COL4A4: variants seen among roughly 807,000 people sequenced by gnomAD.
The protein encoded by COL4A4 is collagen type IV alpha 4 chain.
Under a neutral mutation model 192.9 loss-of-function variants are expected in COL4A4, and 105 were observed. The observed-to-expected ratio is 0.54, with a 90% CI of 0.46 to 0.64. The LOEUF (loss-of-function observed/expected upper bound fraction) is 0.64, where lower values mean the gene tolerates loss of function less well. Ranked by LOEUF, COL4A4 falls within the 30% of genes least tolerant of loss-of-function variation. The probability of loss-of-function intolerance (pLI) is 0.00; values close to 1 mark genes in which losing one functional copy is unlikely to be tolerated. For synonymous variants in COL4A4, 762 were observed against 769.9 expected, an observed-to-expected ratio of 0.99 and a Z score of 0.17; for missense variants, 1,967 against 2,169.3, an observed-to-expected ratio of 0.91 and a Z score of 1.85.
intron 2 of COL4A4, among the ~76,000 whole-genome samples, chr2:227,145,567 C>T (rs948293163): frequency 6.6e-6 from 1 of 152,198 alleles, no homozygotes; most frequent in African/African-American, 2.4e-5. Context: ...GTTAGAACTT[C>T]GGGTCACACC....
chr2:227,041,758 GGAA>G (rs1559475422), intron 37 of COL4A4, among the ~76,000 whole-genome samples: 32 of 116,058 alleles, frequency 2.8e-4, no homozygotes, highest in African/African-American at 6.9e-4. Flanking sequence ...AAGGAAGGAA[GGAA>G]GGAAGGAAGG....
intron 4 of COL4A4, among the ~76,000 whole-genome samples, chr2:227,129,975 C>A (rs904617905): frequency 1.3e-5 from 2 of 152,074 alleles, no homozygotes; most frequent in African/African-American, 4.8e-5. Context: ...TGTAATTCAA[C>A]CAGTCAGCCA....
rs1000176849 is a variant in COL4A4 at position 227,055,925 on chromosome 2, A to G, written c.2716+20T>C. On this transcript the variant is annotated intron_variant, in intron 30 of 47. Transcript: ENST00000396625. ...CATGTTTCTAAGATGGGAGGACATC[A>G]TGGAAAAAGCACTACCTACCCTTTG... The G allele has an allele frequency of 3.7e-6, 6 of 1,607,804 alleles. No individual in the cohort carries two copies. Among genetic ancestry groups the G allele is most frequent in the Non-Finnish European group, 5.1e-6 (6 of 1,176,474 alleles).
Position 227,071,865 on chromosome 2 carries a change from CAA to C in COL4A4, c.1987+6027_1987+6028del, listed in dbSNP as rs1340646116. On this transcript the variant is annotated intron_variant, in intron 25 of 47. Coordinates refer to ENST00000396625, the MANE Select transcript of COL4A4 (RefSeq NM_000092.5). ...TTTGAATTGAATGATAATATTGACA[CAA>C]GTTTTCAAAACATCTGGAATACAGC... is the stretch of plus-strand genomic sequence containing the variant. 2.6e-5 allele frequency among the ~76,000 whole-genome samples: 4 copies of C among 151,978 alleles called. No homozygotes were observed. In the South Asian group the frequency reaches 6.2e-4, roughly 24 times the overall value.
intron 4 of COL4A4, among the ~76,000 whole-genome samples, chr2:227,126,396 T>C (rs2062091199): frequency 6.6e-6 from 1 of 152,214 alleles, no homozygotes; most frequent in African/African-American, 2.4e-5. Flanking sequence ...ATGGCAATGA[T>C]TCCACAGCAA....
chr2:227,080,615 CA>C, intron 23 of COL4A4, 66 bp from the exon 24 acceptor site: 1 of 1,389,602 alleles, frequency 7.2e-7, no homozygotes, highest in Non-Finnish European at 1.0e-6. Flanking sequence ...ATAGAGAGGA[CA>C]AAAAATAAAG....
At chr2:226,987,493 C>A in the COL4A4 span, among the ~76,000 whole-genome samples, 2 of 152,242 alleles carry the variant, frequency 1.3e-5, no homozygotes, top group African/African-American at 4.8e-5. Context: ...TCCAGAGAAG[C>A]TGCTCAGGCA....
At position 227,077,785 on chromosome 2, in the gene COL4A4, C is replaced by A. The variant is rs61286676; in HGVS notation, c.1987+109G>T. The A allele has an allele frequency of 7.1e-4, 718 of 1,015,296 alleles. 1 individual carries two copies. The African/African-American group carries it at 9.0e-3, about 13-fold the overall frequency. 62.9% of individuals were successfully genotyped at this position (1,015,296 alleles called of 1,614,324 possible). On this transcript the variant is annotated intron_variant, in intron 25 of 47. Transcript: ENST00000396625. Reference sequence around the variant, plus strand: ...GGTAAAATGTACACTACTCGGGTGACAGGTACACTAAAATCTCAGAATTCA... The same window carrying A: ...GGTAAAATGTACACTACTCGGGTGAAAGGTACACTAAAATCTCAGAATTCA...
chr2:227,079,572 C>T (rs998340176), intron 24 of COL4A4, among the ~76,000 whole-genome samples: 6 of 152,206 alleles, frequency 3.9e-5, no homozygotes, highest in African/African-American at 7.2e-5. Context: ...AGGACATGGT[C>T]TTTCCCTGTT....
Position 227,010,301 on chromosome 2 carries a change from C to T in COL4A4, c.4522+12G>A, listed in dbSNP as rs1264916913. On this transcript the variant is annotated intron_variant, in intron 46 of 47. Transcript: ENST00000396625. ...CTTCAGGCAATGGAGATGGGCGATC[C>T]TGTATCCATACCAAGGTCTTGATTG... 1 of 1,614,174 alleles carries T rather than the reference C, an allele frequency of 6.2e-7. No individual in the cohort carries two copies. The highest frequency in any genetic ancestry group is 1.1e-5 in the South Asian group (1 of 91,074).
chr2:227,073,930 C>G (rs1441217080), intron 25 of COL4A4, among the ~76,000 whole-genome samples: 1 of 151,996 alleles, frequency 6.6e-6, no homozygotes, highest in Non-Finnish European at 1.5e-5. Flanking sequence ...AATATAAGAC[C>G]TGAAACTATC....
intron 28 of COL4A4, among the ~76,000 whole-genome samples, chr2:227,058,587 A>G (rs868489939): frequency 5.9e-5 from 9 of 152,162 alleles, no homozygotes; most frequent in African/African-American, 1.9e-4. Context: ...TGGATGCCTA[A>G]TAAACACTGG....
intron 42 of COL4A4, 23 bp downstream of exon 42, chr2:227,027,879 C>T: frequency 6.8e-7 from 1 of 1,478,508 alleles, no homozygotes; most frequent in Non-Finnish European, 9.5e-7. Flanking sequence ...AAACAAAATG[C>T]TGTATGTAGG....
chr2:227,030,563 C>A lies in COL4A4; in HGVS notation c.3853G>T (p.Asp1285Tyr), dbSNP rs539288541. 1 of 1,613,794 alleles carries A rather than the reference C, an allele frequency of 6.2e-7. No homozygotes were observed. The highest frequency in any genetic ancestry group is 1.1e-5 in the South Asian group (1 of 91,032). The change falls in exon 41 of 48, where the codon GAC becomes TAC. Residue 1285 changes from aspartate to tyrosine, a missense_variant. Physicochemically the swap from Asp to Tyr is radical, Grantham distance 160. Transcript: ENST00000396625. ...PGPPGLPGSVDLLRGEPGDCG... is the reference protein window; with the variant it reads ...PGPPGLPGSVYLLRGEPGDCG... The stretch of plus-strand genomic sequence containing the variant: ...TCACCTGGCTCCCCTCTCAGAAGGT[C>A]AACACTCCCAGGGAGGCCTGGAGGC...
chr2:227,114,655 G>A lies in COL4A4; in HGVS notation c.531C>T (p.Phe177=). Residue 177 remains phenylalanine, a synonymous_variant, in exon 8 of 48, where the codon TTC becomes TTT. Transcript: ENST00000396625. Reference sequence around the variant, plus strand: ...GAATACCTTTAACGGCACCTAAAATGAACACTGAATTTCCTTTTTCTCCCT... The same window carrying A: ...GAATACCTTTAACGGCACCTAAAATAAACACTGAATTTCCTTTTTCTCCCT... ...GEKGEKGNSV[F]ILGAVKGIQG... is the part of the protein sequence containing the mutation. 1 of 1,613,974 alleles carries A rather than the reference G, an allele frequency of 6.2e-7. No individual in the cohort carries two copies. Among genetic ancestry groups the A allele is most frequent in the South Asian group, 1.1e-5 (1 of 91,070 alleles).
chr2:227,147,360 C>T (rs1345624973), intron 2 of COL4A4, 53 bp downstream of exon 2: 2 of 1,512,358 alleles, frequency 1.3e-6, no homozygotes, highest in East Asian at 2.3e-5. Flanking sequence ...ATAGAACAAA[C>T]ATTGAGTAGA....
At chr2:227,114,120 G>C (rs1450182763) in intron 8 of COL4A4, among the ~76,000 whole-genome samples, 1 of 152,210 alleles carries the variant, frequency 6.6e-6, no homozygotes, top group Non-Finnish European at 1.5e-5. Context: ...GACTTTTACT[G>C]TACTGGATGG....
chr2:227,021,756 C>T (rs908078545), intron 44 of COL4A4, among the ~76,000 whole-genome samples: 3 of 152,010 alleles, frequency 2.0e-5, no homozygotes, highest in African/African-American at 7.2e-5. Context: ...ACCTGGGAGG[C>T]GGAGCTTGCA....
At chr2:227,100,772 A>C (rs1244949400) in intron 17 of COL4A4, among the ~76,000 whole-genome samples, 1 of 148,018 alleles carries the variant, frequency 6.8e-6, no homozygotes, top group Non-Finnish European at 1.5e-5. Flanking sequence ...GTGGGAGGTG[A>C]TTGAATTATG....
Sources: gnomAD v4.1 joint callset for allele counts (sites outside exome capture counted in the v4.1 genomes callset) on GRCh38, gnomAD v4.1.1 for gene constraint, MANE v1.5 for transcripts, NCBI Gene and HGNC (gene_info 2026-07-23, HGNC 2026-07-21) for gene names.